The following LRRC53 variants were observed in gnomAD, a reference collection of about 807,000 sequenced individuals.
LRRC53 encodes leucine rich repeat containing 53, also known as leucine-rich repeat-containing protein 53.
LRRC53 carries 25 observed loss-of-function variants against 13.6 expected under a neutral mutation model. The observed-to-expected ratio is 1.83, with a 90% CI of 1.34 to 2.56. The LOEUF (loss-of-function observed/expected upper bound fraction) is 2.56. Ranked by LOEUF, LRRC53 falls within the 30% of genes most tolerant of loss-of-function variation. The probability of loss-of-function intolerance (pLI) is 0.00; values close to 1 mark genes in which losing one functional copy is unlikely to be tolerated. For synonymous variants in LRRC53, 204 were observed against 109.8 expected, an observed-to-expected ratio of 1.86 and a Z score of -5.37; for missense variants, 527 against 275.8, an observed-to-expected ratio of 1.91 and a Z score of -6.45.
intron 1 of LRRC53, 137 bp from the exon 2 acceptor site, chr1:74,483,512 G>A: frequency 1.9e-6 from 1 of 518,962 alleles, no homozygotes; most frequent in Non-Finnish European, 3.5e-6. Flanking sequence ...AAGATGCCAG[G>A]TAAATAACTA....
chr1:74,505,000 A>G (rs540611781), intron 1 of LRRC53, among the ~76,000 whole-genome samples: 31 of 152,288 alleles, frequency 2.0e-4, no homozygotes, highest in South Asian at 4.1e-4. Context: ...AATTAGATGA[A>G]ATGACATATT....
intron 1 of LRRC53, among the ~76,000 whole-genome samples, chr1:74,510,540 G>A (rs755627073): frequency 1.8e-4 from 28 of 152,022 alleles, no homozygotes; most frequent in Non-Finnish European, 3.7e-4. Context: ...AAATTATTGA[G>A]AGATTGTCAA....
upstream of LRRC53, among the ~76,000 whole-genome samples, chr1:74,517,195 A>T (rs1646361990): frequency 6.6e-6 from 1 of 151,908 alleles, no homozygotes; most frequent in African/African-American, 2.4e-5. Context: ...TAACTCTTTA[A>T]AAAAAAAGGT....
the LRRC53 span, among the ~76,000 whole-genome samples, chr1:74,521,168 G>A: frequency 1.3e-5 from 2 of 152,164 alleles, no homozygotes; most frequent in African/African-American, 4.8e-5. Flanking sequence ...ATATTTGGAG[G>A]TTGTGTATTG....
Position 74,510,291 on chromosome 1 carries a change from G to A in LRRC53, c.-27+2235C>T, listed in dbSNP as rs111465320. ...GGAGGCCGAGGCGGGCAGATCACGAGGTCAGGAGATCGAGACCATCCTGGC... is the reference window on the plus strand; with the variant it reads ...GGAGGCCGAGGCGGGCAGATCACGAAGTCAGGAGATCGAGACCATCCTGGC... On this transcript the variant is annotated intron_variant, in intron 1 of 4. Transcript: ENST00000294635. 2.9e-3 allele frequency among the ~76,000 whole-genome samples: 447 copies of A among 152,196 alleles called. 3 individuals carry two copies. The highest frequency in any genetic ancestry group is 0.01 in the African/African-American group (416 of 41,524).
chr1:74,535,912 G>A, the LRRC53 span, among the ~76,000 whole-genome samples: 27 of 152,196 alleles, frequency 1.8e-4, 1 homozygote, highest in South Asian at 5.2e-3. Context: ...GAATCCAGCT[G>A]TATGTTCTAG....
chr1:74,494,805 GA>G (rs1372786270), intron 1 of LRRC53, among the ~76,000 whole-genome samples: 5 of 152,174 alleles, frequency 3.3e-5, no homozygotes, highest in Non-Finnish European at 7.3e-5. Flanking sequence ...TTGTTTTAAG[GA>G]GAGGTACTAT....
chr1:74,533,186 C>A, the LRRC53 span, among the ~76,000 whole-genome samples: 2 of 152,114 alleles, frequency 1.3e-5, no homozygotes, highest in Admixed American at 1.3e-4. Context: ...GGCTAATATC[C>A]AGAATCTACA....
At chr1:74,489,764 T>C (rs1668957308) in intron 1 of LRRC53, among the ~76,000 whole-genome samples, 1 of 152,198 alleles carries the variant, frequency 6.6e-6, no homozygotes, top group Admixed American at 6.5e-5. Flanking sequence ...TAAAGCTGTT[T>C]GCTTTAAGTT....
At chr1:74,477,976 T>A (rs187722343) in intron 3 of LRRC53, among the ~76,000 whole-genome samples, 86 of 152,338 alleles carry the variant, frequency 5.6e-4, no homozygotes, top group African/African-American at 1.7e-3. Context: ...AGTGTCAAGA[T>A]ATTAGTGTTT....
chr1:74,514,791 G>A (rs1033092100), upstream of LRRC53, among the ~76,000 whole-genome samples: 1 of 152,062 alleles, frequency 6.6e-6, no homozygotes, highest in South Asian at 2.1e-4. Context: ...GGGTTGAATT[G>A]TATCCCCCAA....
intron 1 of LRRC53, among the ~76,000 whole-genome samples, chr1:74,492,934 T>C (rs1669152552): frequency 6.6e-6 from 1 of 152,216 alleles, no homozygotes; most frequent in African/African-American, 2.4e-5. Flanking sequence ...TCCTGTTTTC[T>C]AGAAATCCAC....
At chr1:74,508,889 G>C (rs1387131233) in intron 1 of LRRC53, among the ~76,000 whole-genome samples, 1 of 152,114 alleles carries the variant, frequency 6.6e-6, no homozygotes, top group Non-Finnish European at 1.5e-5. Context: ...TACCTTGTCT[G>C]GTTTTTACAG....
chr1:74,498,573 G>A (rs1465545705), intron 1 of LRRC53, among the ~76,000 whole-genome samples: 1 of 151,994 alleles, frequency 6.6e-6, no homozygotes, highest in Non-Finnish European at 1.5e-5. Flanking sequence ...AAAATTATTA[G>A]TTAGGCTGTA....
the LRRC53 span, among the ~76,000 whole-genome samples, chr1:74,534,406 A>G: frequency 6.6e-6 from 1 of 152,168 alleles, no homozygotes; most frequent in Admixed American, 6.5e-5. Flanking sequence ...GGCACTAGCA[A>G]ATATTCTGAG....
chr1:74,524,289 G>C, the LRRC53 span, among the ~76,000 whole-genome samples: 3 of 152,196 alleles, frequency 2.0e-5, no homozygotes, highest in Non-Finnish European at 2.9e-5. Flanking sequence ...GATGGTTATG[G>C]TAACATGCAA....
In LRRC53 at chr1:74,480,854, C is replaced by T. The variant is rs1009045368; in HGVS notation, c.203G>A (p.Gly68Asp). 6 of 717,362 alleles carry T rather than the reference C, an allele frequency of 8.4e-6. No homozygotes were observed. Among genetic ancestry groups the T allele is most frequent in the Admixed American group, 8.0e-5 (4 of 49,998 alleles). The allele number at this position is 717,362 out of a possible 1,614,324, so 44.4% of individuals were successfully genotyped here. A position where few individuals can be genotyped will look rare whatever the true frequency, so the allele number is the denominator to read the frequency against. ...GGCATCTTCCTGAACATCCTCGATA[C>T]CATTTCTGCTTAGGGAGAGCAGGGC... ...NLALLSLSRNGIEDVQEDALH... is the reference protein window; with the variant it reads ...NLALLSLSRNDIEDVQEDALH... The change falls in exon 3 of 5, where the codon GGT (glycine) becomes GAT (aspartate). Residue 68 changes from glycine (G) to aspartate (D), a missense_variant. Physicochemically the swap from Gly to Asp is moderately conservative, Grantham distance 94. Transcript: ENST00000294635.
chr1:74,480,946 A>T lies in LRRC53; in HGVS notation c.111T>A (p.Val37=). 2.8e-6 allele frequency: 2 copies of T among 716,078 alleles called. No homozygotes were observed. The allele number at this position is 716,078 out of a possible 1,614,324, so 44.4% of individuals were successfully genotyped here. A position where few individuals can be genotyped will look rare whatever the true frequency, so the allele number is the denominator to read the frequency against. The change falls in exon 3 of 5, where the codon GTT becomes GTA. Residue 37 remains valine, a synonymous_variant. Transcript: ENST00000294635. ...AGAGATATCCATCGGTGATGATTAA[A>T]ACCCTCGTGGTCATAGGGGCTGCTG... The part of the protein sequence containing the change: ...YIVAAPMTTR[V]LIITDGYLSS...
intron 1 of LRRC53, among the ~76,000 whole-genome samples, chr1:74,486,490 G>GTGTTTTT (rs751022793): frequency 0.099 from 13,737 of 139,188 alleles, 1,711 homozygotes; most frequent in African/African-American, 0.31. Flanking sequence ...TTTTTTGTGT[G>GTGTTTTT]TGTTTTTTGT....
Sources: gnomAD v4.1 joint callset for allele counts (sites outside exome capture counted in the v4.1 genomes callset) on GRCh38, gnomAD v4.1.1 for gene constraint, MANE v1.5 for transcripts, NCBI Gene and HGNC (gene_info 2026-07-23, HGNC 2026-07-21) for gene names.